Variants in CCDC171 observed in about 807,000 individuals in gnomAD.
CCDC171 encodes the protein coiled-coil domain containing 171.
A neutral mutation model predicts 168.2 loss-of-function variants in CCDC171; 177 were observed. The observed-to-expected ratio is 1.05, with a 90% CI of 0.93 to 1.19. The LOEUF (loss-of-function observed/expected upper bound fraction) is 1.19, where lower values mean the gene tolerates loss of function less well. Ranked by LOEUF, CCDC171 falls within the 50% of genes most tolerant of loss-of-function variation. The pLI is 0.00. For missense variants in CCDC171, 1,991 were observed against 1,539.0 expected (o/e 1.29, Z -4.91); for synonymous variants, 687 against 540.8 (o/e 1.27, Z -3.75).
At chr9:15,987,435 A>G (rs369411743) in intron 3 of CCDC171, among the ~76,000 whole-genome samples, 74 of 152,306 alleles carry the variant, frequency 4.9e-4, no homozygotes, top group African/African-American at 1.7e-3. Context: ...AGTTGGAAAG[A>G]AAAAGCAACA....
chr9:15,804,509 G>GT (rs2058984859), intron 21 of CCDC171, among the ~76,000 whole-genome samples: 1 of 151,544 alleles, frequency 6.6e-6, no homozygotes, highest in African/African-American at 2.4e-5. Context: ...TTTGTTTTGG[G>GT]TTCTGCTTAT....
At chr9:16,014,482 T>A (rs965521269) in intron 3 of CCDC171, among the ~76,000 whole-genome samples, 1 of 152,224 alleles carries the variant, frequency 6.6e-6, no homozygotes, top group African/African-American at 2.4e-5. Flanking sequence ...ATTACTAATG[T>A]TCTTAATGAC....
chr9:15,656,960 A>T (rs2047985515), intron 7 of CCDC171, among the ~76,000 whole-genome samples, 167 bp from the exon 8 acceptor site: 1 of 152,134 alleles, frequency 6.6e-6, no homozygotes, highest in Non-Finnish European at 1.5e-5. Flanking sequence ...AGGCTCTGGA[A>T]GCATTCTTCC....
the CCDC171 span, among the ~76,000 whole-genome samples, chr9:16,086,037 C>A: frequency 1.7e-5 from 2 of 117,052 alleles, no homozygotes; most frequent in South Asian, 5.6e-4. Context: ...TCACCAGCTC[C>A]TTTTTGTGCC....
At chr9:16,093,551 G>T in the CCDC171 span, among the ~76,000 whole-genome samples, 23,316 of 152,250 alleles carry the variant, frequency 0.15, 1,903 homozygotes, top group Non-Finnish European at 0.17. Context: ...CTCCAGTGAA[G>T]AAAGAAGGAG....
At chr9:15,918,749 C>T (rs1824896977) in intron 24 of CCDC171, among the ~76,000 whole-genome samples, 1 of 151,418 alleles carries the variant, frequency 6.6e-6, no homozygotes, top group Non-Finnish European at 1.5e-5. Flanking sequence ...TATAGTTATG[C>T]TTCTGCTTTT....
chr9:15,987,027 T>A lies in CCDC171; in HGVS notation n.369-33562T>A, dbSNP rs185348521. ...AATACTTAAAAATGAGAACTATGAA[T>A]GTACTAGAAATATACATAGGTGATT... On this transcript the variant is annotated intron_variant and non_coding_transcript_variant, in intron 3 of 9. Transcript: ENST00000486641. 1.4e-3 allele frequency among the ~76,000 whole-genome samples: 211 copies of A among 152,094 alleles called. 1 individual carries two copies. The highest frequency in any genetic ancestry group is 2.4e-3 in the Non-Finnish European group (161 of 67,986).
At chr9:15,750,749 C>G (rs6474965) in intron 18 of CCDC171, among the ~76,000 whole-genome samples, 69,135 of 151,988 alleles carry the variant, frequency 0.45, 16,024 homozygotes, top group Non-Finnish European at 0.49. Flanking sequence ...TAAAAACTCT[C>G]AATAAACTAG....
chr9:15,794,072 A>G (rs1161006094), intron 21 of CCDC171, among the ~76,000 whole-genome samples: 1 of 152,094 alleles, frequency 6.6e-6, no homozygotes, highest in African/African-American at 2.4e-5. Flanking sequence ...AGTCTTAAAG[A>G]AAATCTTTCT....
At chr9:15,726,709 A>G (rs1334156442) in intron 14 of CCDC171, among the ~76,000 whole-genome samples, 1 of 152,134 alleles carries the variant, frequency 6.6e-6, no homozygotes, top group African/African-American at 2.4e-5. Flanking sequence ...ATAATTTCTA[A>G]TTATAAAACT....
Position 15,920,364 on chromosome 9 carries a change from C to A in CCDC171, c.3695C>A (p.Ala1232Glu), listed in dbSNP as rs1215162387. 1 of 1,610,010 alleles carries A rather than the reference C, an allele frequency of 6.2e-7. No homozygotes were observed. The highest frequency in any genetic ancestry group is 1.7e-5 in the Admixed American group (1 of 59,714). Residue 1232 changes from alanine (A) to glutamate (E), a missense_variant, in exon 25 of 26, where the codon GCA (alanine) becomes GAA (glutamate). Ala to Glu is a moderately radical substitution (Grantham distance 107). Transcript: ENST00000380701. ...KEMTSHRSHI[A>E]ALKSELHTAC... The stretch of plus-strand genomic sequence containing the variant: ...ATGACATCTCATCGAAGTCACATTG[C>A]AGCCTTGAAATCAGAACTTCACACA...
chr9:15,867,845 G>A lies in CCDC171; in HGVS notation c.3469-6687G>A, dbSNP rs140389868. ...TGAGTGTTATCAATTCTATTCTCAA[G>A]TATGGTTTTTTTGTTTGTTTAAATA... is the stretch of plus-strand genomic sequence containing the variant. On this transcript the variant is annotated intron_variant, in intron 23 of 25. Transcript: ENST00000380701. 2.0e-4 allele frequency among the ~76,000 whole-genome samples: 30 copies of A among 152,136 alleles called. No homozygotes were observed. The East Asian group carries it at 3.1e-3, about 16-fold the overall frequency.
chr9:15,968,339 G>GT (rs768367301), intron 25 of CCDC171, among the ~76,000 whole-genome samples: 1 of 152,072 alleles, frequency 6.6e-6, no homozygotes, highest in Non-Finnish European at 1.5e-5. Flanking sequence ...AGATTGGGTG[G>GT]TGAACACTAA....
chr9:15,641,106 ATATT>A (rs1261671904), intron 7 of CCDC171, among the ~76,000 whole-genome samples: 1 of 152,306 alleles, frequency 6.6e-6, no homozygotes, highest in Non-Finnish European at 1.5e-5. Context: ...GATTATTACT[ATATT>A]TATTACTTAT....
intron 25 of CCDC171, among the ~76,000 whole-genome samples, chr9:15,958,083 T>G (rs917405103): frequency 3.9e-5 from 6 of 152,156 alleles, no homozygotes; most frequent in African/African-American, 1.4e-4. Context: ...CTTTAGAATA[T>G]GGATTAGAAT....
intron 24 of CCDC171, among the ~76,000 whole-genome samples, chr9:15,912,629 A>C (rs892866557): frequency 2.0e-5 from 3 of 152,112 alleles, no homozygotes; most frequent in African/African-American, 7.2e-5. Flanking sequence ...TTTCAAAGGG[A>C]ATGCTTCCGG....
intron 23 of CCDC171, among the ~76,000 whole-genome samples, chr9:15,865,001 A>G (rs959935516): frequency 6.6e-6 from 1 of 152,090 alleles, no homozygotes; most frequent in Non-Finnish European, 1.5e-5. Flanking sequence ...GTACCAAAGA[A>G]TGTTCACTGA....
chr9:15,611,631 C>G (rs1286727957), intron 6 of CCDC171, among the ~76,000 whole-genome samples: 1 of 152,070 alleles, frequency 6.6e-6, no homozygotes, highest in Non-Finnish European at 1.5e-5. Context: ...ACCCCAACCC[C>G]CAGTTGTGTT....
chr9:15,728,372 T>C (rs2053948640), intron 15 of CCDC171, among the ~76,000 whole-genome samples: 1 of 152,166 alleles, frequency 6.6e-6, no homozygotes, highest in Non-Finnish European at 1.5e-5. Context: ...TTTACATTAA[T>C]AAACCAACTC....
Sources: allele counts gnomAD v4.1 joint callset (sites outside exome capture counted in the v4.1 genomes callset), GRCh38; gene constraint gnomAD v4.1.1; transcripts MANE v1.5; gene names NCBI Gene and HGNC (gene_info 2026-07-23, HGNC 2026-07-21).